CFAP54: variants seen among roughly 807,000 people sequenced by gnomAD.
The protein encoded by CFAP54 is cilia and flagella associated protein 54.
Under a neutral mutation model 370.4 loss-of-function variants are expected in CFAP54, and 290 were observed. The ratio of observed to expected loss-of-function variants is 0.78; its 90% CI spans 0.71 to 0.86. The LOEUF (loss-of-function observed/expected upper bound fraction) is 0.86. Ranked by LOEUF, CFAP54 falls within the 40% of genes least tolerant of loss-of-function variation. CFAP54 has a pLI of 0.00. For missense variants in CFAP54, 3,399 were observed against 3,528.7 expected (o/e 0.96, Z 0.93); for synonymous variants, 1,206 against 1,236.5 (o/e 0.98, Z 0.52).
chr12:96,541,287 C>CT (rs34387826), intron 14 of CFAP54, among the ~76,000 whole-genome samples: 12,404 of 135,842 alleles, frequency 0.091, 992 homozygotes, highest in East Asian at 0.43. Flanking sequence ...CTTTCTCTCC[C>CT]TTTTTTTTTT....
intron 17 of CFAP54, among the ~76,000 whole-genome samples, chr12:96,563,007 T>C (rs988925677): frequency 2.0e-5 from 3 of 152,210 alleles, no homozygotes; most frequent in Admixed American, 6.5e-5. Flanking sequence ...TTTAGAAATA[T>C]GTTTCAAAAT....
chr12:96,592,470 C>A lies in CFAP54; in HGVS notation c.3213-20C>A. The A allele has an allele frequency of 2.1e-6, 1 of 483,218 alleles. No individual in the cohort carries two copies. Among genetic ancestry groups the A allele is most frequent in the South Asian group, 3.7e-5 (1 of 27,096 alleles). 29.9% of individuals were successfully genotyped at this position (483,218 alleles called of 1,614,324 possible). A position where few individuals can be genotyped will look rare whatever the true frequency, so the allele number is the denominator to read the frequency against. On this transcript the variant is annotated intron_variant, in intron 23 of 67. Transcript: ENST00000524981. ...CTAAATCAATTTATATTTATACCTG[C>A]CATTTACTTCATATTGCAGATTACA...
At chr12:96,678,994 A>T (rs73377698) in intron 39 of CFAP54, among the ~76,000 whole-genome samples, 1 of 152,160 alleles carries the variant, frequency 6.6e-6, no homozygotes, top group African/African-American at 2.4e-5. Flanking sequence ...TGTATGCAGC[A>T]ATGCTGCAGC....
chr12:96,701,216 TAGAG>T, intron 46 of CFAP54, among the ~76,000 whole-genome samples: 1 of 152,016 alleles, frequency 6.6e-6, no homozygotes, highest in Non-Finnish European at 1.5e-5. Context: ...GAGATACACA[TAGAG>T]AGGGGAAAGA....
intron 36 of CFAP54, 39 bp downstream of exon 36, chr12:96,651,854 T>G (rs1346367459): frequency 7.7e-7 from 1 of 1,305,368 alleles, no homozygotes. Flanking sequence ...TATATTCAGT[T>G]AAAAATATCG....
chr12:96,533,632 C>G (rs1048191067), intron 9 of CFAP54, among the ~76,000 whole-genome samples, 160 bp from the exon 10 acceptor site: 11 of 152,182 alleles, frequency 7.2e-5, no homozygotes, highest in Non-Finnish European at 2.9e-5. Flanking sequence ...AAGCACCACC[C>G]TGTATTTGCC....
intron 15 of CFAP54, among the ~76,000 whole-genome samples, chr12:96,550,207 A>T (rs1955680344): frequency 6.6e-6 from 1 of 152,064 alleles, no homozygotes; most frequent in Non-Finnish European, 1.5e-5. Context: ...CATAAAGATG[A>T]TGGTGGTGGT....
chr12:96,713,325 A>C (rs1051182160), intron 48 of CFAP54, among the ~76,000 whole-genome samples: 11 of 152,164 alleles, frequency 7.2e-5, no homozygotes, highest in African/African-American at 2.7e-4. Context: ...AATATGATAT[A>C]TATACACGAT....
chr12:96,641,842 A>G (rs951147095), intron 32 of CFAP54, among the ~76,000 whole-genome samples: 9 of 151,160 alleles, frequency 6.0e-5, no homozygotes, highest in African/African-American at 1.5e-4. Flanking sequence ...AAAACCAAAC[A>G]TCGCATGTTC....
chr12:96,523,399 A>G (rs998207820), intron 8 of CFAP54, among the ~76,000 whole-genome samples: 2 of 152,160 alleles, frequency 1.3e-5, no homozygotes, highest in African/African-American at 4.8e-5. Context: ...ATTTCTTCTT[A>G]ACACATTTAG....
intron 66 of CFAP54, among the ~76,000 whole-genome samples, chr12:96,829,332 A>G (rs1014754830): frequency 1.3e-5 from 2 of 152,170 alleles, no homozygotes; most frequent in South Asian, 2.1e-4. Flanking sequence ...CCTCAAATCT[A>G]CAATTCACAG....
intron 67 of CFAP54, among the ~76,000 whole-genome samples, chr12:96,866,029 G>T (rs944286224): frequency 1.3e-5 from 2 of 151,900 alleles, no homozygotes; most frequent in Admixed American, 6.6e-5. Context: ...TAAATTATTT[G>T]ATTTTCCAAA....
At chr12:96,840,616 C>CTCT (rs754313435) in intron 66 of CFAP54, among the ~76,000 whole-genome samples, 20 of 93,346 alleles carry the variant, frequency 2.1e-4, no homozygotes, top group African/African-American at 7.9e-4. Flanking sequence ...TTTCTTTTCT[C>CTCT]TGTTTCTTTC....
chr12:96,623,102 C>G (rs2136467678), intron 27 of CFAP54, among the ~76,000 whole-genome samples: 1 of 152,204 alleles, frequency 6.6e-6, no homozygotes, highest in Admixed American at 6.5e-5. Context: ...TGTGATTCTT[C>G]CATCCAAGAT....
At chr12:96,624,736 ACCT>A in intron 28 of CFAP54, among the ~76,000 whole-genome samples, 1 of 152,228 alleles carries the variant, frequency 6.6e-6, no homozygotes, top group South Asian at 2.1e-4. Flanking sequence ...CCATGTCCCT[ACCT>A]CACCTTTCCT....
rs752031831 is a variant in CFAP54 at position 96,521,978 on chromosome 12, A to T, written c.1056+8A>T. The T allele has an allele frequency of 6.5e-7, 1 of 1,530,650 alleles. No homozygotes were observed. Among genetic ancestry groups the T allele is most frequent in the South Asian group, 1.2e-5 (1 of 83,742 alleles). The allele number at this position is 1,530,650 out of a possible 1,614,324, so 94.8% of individuals were successfully genotyped here. A position where few individuals can be genotyped will look rare whatever the true frequency, so the allele number is the denominator to read the frequency against. On this transcript the variant is annotated splice_region_variant and intron_variant, in intron 7 of 67. Coordinates refer to ENST00000524981, the MANE Select transcript of CFAP54 (RefSeq NM_001306084.2). ...CGAGAGGCCACAATGAAGGTATAAA[A>T]ATTTCATGAAATAAAAGAAATTTAC... is the stretch of plus-strand genomic sequence containing the variant.
At chr12:96,514,082 T>C (rs1955204204) in intron 5 of CFAP54, among the ~76,000 whole-genome samples, 1 of 152,206 alleles carries the variant, frequency 6.6e-6, no homozygotes, top group African/African-American at 2.4e-5. Flanking sequence ...AGTTTTCCAG[T>C]TATTGGAATG....
intron 8 of CFAP54, among the ~76,000 whole-genome samples, chr12:96,526,896 T>G (rs1296348921): frequency 1.4e-5 from 2 of 144,524 alleles, no homozygotes; most frequent in Non-Finnish European, 3.1e-5. Context: ...TTTTTTTTTT[T>G]TTTTTTTTTT....
At chr12:96,523,010 TTTC>T (rs965432472) in intron 8 of CFAP54, among the ~76,000 whole-genome samples, 3 of 152,330 alleles carry the variant, frequency 2.0e-5, no homozygotes, top group East Asian at 1.9e-4. Context: ...CCCTTGTCTT[TTTC>T]TTCTTCTTCT....
Sources: gnomAD v4.1 joint callset for allele counts (sites outside exome capture counted in the v4.1 genomes callset) on GRCh38, gnomAD v4.1.1 for gene constraint, MANE v1.5 for transcripts, NCBI Gene and HGNC (gene_info 2026-07-23, HGNC 2026-07-21) for gene names.